KCNIP1: variants seen among roughly 807,000 people sequenced by gnomAD.
KCNIP1 encodes potassium voltage-gated channel interacting protein 1, also known as A-type potassium channel modulatory protein KCNIP1.
In KCNIP1, 18 loss-of-function variants were observed where a neutral mutation model predicts 33.0. That is an observed-to-expected ratio of 0.55 (90% CI 0.38 to 0.81). The LOEUF (loss-of-function observed/expected upper bound fraction) is 0.81. KCNIP1 is among the 30% of genes least tolerant of loss of function. The pLI, the probability that KCNIP1 is intolerant of heterozygous loss-of-function variation, is 0.00. For synonymous variants in KCNIP1, 93 were observed against 98.3 expected (o/e 0.95, Z 0.32); for missense variants, 238 against 271.6 (o/e 0.88, Z 0.87).
chr5:170,548,469 C>T (rs1441183491), intron 1 of KCNIP1, among the ~76,000 whole-genome samples: 1 of 152,166 alleles, frequency 6.6e-6, no homozygotes, highest in African/African-American at 2.4e-5. Flanking sequence ...ACTGTGTTTG[C>T]ACCTTTTAAT....
chr5:170,557,926 C>A (rs988898904), intron 1 of KCNIP1, among the ~76,000 whole-genome samples: 2 of 152,140 alleles, frequency 1.3e-5, no homozygotes, highest in East Asian at 1.9e-4. Flanking sequence ...CAGCATCTGG[C>A]GCATTGCTGG....
rs1007819071 is a variant in KCNIP1, at chr5:170,504,418, C to A, written c.-155C>A. Reference sequence around the variant, plus strand: ...AAGAAGGAAGCCAGAAGCCTCCTAGCCTCGCCTCCACGCTTGCTGAATACC... The same window carrying A: ...AAGAAGGAAGCCAGAAGCCTCCTAGACTCGCCTCCACGCTTGCTGAATACC... On this transcript the variant is annotated 5_prime_UTR_variant, in exon 1 of 8. Transcript: ENST00000328939. This position sits in a 1 kb window ranked among gnomAD's most constrained non-coding sequence, Gnocchi z 6.0. The A allele has an allele frequency of 8.8e-6, 13 of 1,468,950 alleles. No homozygotes were observed. Among genetic ancestry groups the A allele is most frequent in the Non-Finnish European group, 1.2e-5 (13 of 1,117,416 alleles). 91.0% of individuals were successfully genotyped at this position (1,468,950 alleles called of 1,614,324 possible).
At chr5:170,605,254 C>T (rs948062002) in intron 1 of KCNIP1, among the ~76,000 whole-genome samples, 3 of 152,290 alleles carry the variant, frequency 2.0e-5, no homozygotes, top group South Asian at 2.1e-4. Flanking sequence ...CCTCTGTCCT[C>T]ACTATGACGG....
chr5:170,498,383 C>T (rs1581244483), intron 1 of KCNIP1, among the ~76,000 whole-genome samples: 1 of 152,286 alleles, frequency 6.6e-6, no homozygotes, highest in African/African-American at 2.4e-5. Flanking sequence ...GGACTTTAAG[C>T]CTGATCTGCT....
At chr5:170,723,552 C>G (rs1007414780) in intron 5 of KCNIP1, among the ~76,000 whole-genome samples, 2 of 152,194 alleles carry the variant, frequency 1.3e-5, no homozygotes, top group African/African-American at 4.8e-5. Context: ...ATCTTCACCT[C>G]AACCCGGCAA....
chr5:170,454,086 T>C (rs1419488177), intron 1 of KCNIP1, among the ~76,000 whole-genome samples: 1 of 152,234 alleles, frequency 6.6e-6, no homozygotes, highest in Non-Finnish European at 1.5e-5. Flanking sequence ...CTATTACAGC[T>C]GCTCAAGAAG....
At chr5:170,408,437 A>G (rs903978928) in intron 1 of KCNIP1, among the ~76,000 whole-genome samples, 1 of 152,166 alleles carries the variant, frequency 6.6e-6, no homozygotes, top group Admixed American at 6.5e-5. Flanking sequence ...GCTCATTGTC[A>G]TGTAATTTAA....
intron 1 of KCNIP1, among the ~76,000 whole-genome samples, chr5:170,600,674 G>C (rs1758655692): frequency 6.6e-6 from 1 of 152,194 alleles, no homozygotes; most frequent in Non-Finnish European, 1.5e-5. Flanking sequence ...TAAGGGCCTA[G>C]CTTGGTCCCT....
intron 1 of KCNIP1, among the ~76,000 whole-genome samples, chr5:170,693,385 C>T (rs1347610730): frequency 2.6e-5 from 4 of 152,240 alleles, no homozygotes; most frequent in Non-Finnish European, 5.9e-5. Flanking sequence ...ATGAAATAAG[C>T]TGCCATCTGC....
chr5:170,653,679 CCTT>C (rs1301403309), intron 1 of KCNIP1, among the ~76,000 whole-genome samples: 4 of 151,854 alleles, frequency 2.6e-5, no homozygotes, highest in African/African-American at 4.8e-5. Context: ...AGCTCAGTCT[CCTT>C]CTCTCTCTCT....
At position 170,661,900 on chromosome 5, in the gene KCNIP1, C is replaced by T. The variant is rs6894766; in HGVS notation, c.62-56858C>T. 8.2e-3 allele frequency among the ~76,000 whole-genome samples: 1,245 copies of T among 152,306 alleles called. 24 individuals carry two copies. The highest frequency in any genetic ancestry group is 0.029 in the African/African-American group (1,208 of 41,572). On this transcript the variant is annotated intron_variant, in intron 1 of 7. Coordinates refer to ENST00000328939, the MANE Select transcript of KCNIP1 (RefSeq NM_014592.4). Reference sequence around the variant, plus strand: ...CAAAACCAATTTCTACTTCTTGGGTCCCCTCTCAATGTGTACAACATAGAG... The same window carrying T: ...CAAAACCAATTTCTACTTCTTGGGTTCCCTCTCAATGTGTACAACATAGAG...
chr5:170,571,004 A>G (rs1209673829), intron 1 of KCNIP1, among the ~76,000 whole-genome samples: 1 of 152,208 alleles, frequency 6.6e-6, no homozygotes, highest in African/African-American at 2.4e-5. Flanking sequence ...GCCAATCAAA[A>G]AGTAGCTCAA....
intron 1 of KCNIP1, among the ~76,000 whole-genome samples, chr5:170,547,034 C>T (rs1232875111): frequency 6.6e-6 from 1 of 152,184 alleles, no homozygotes; most frequent in Non-Finnish European, 1.5e-5. Context: ...TATTCATTTA[C>T]AGTTGGTCAA....
At chr5:170,603,808 G>C (rs977247732) in intron 1 of KCNIP1, among the ~76,000 whole-genome samples, 1 of 152,198 alleles carries the variant, frequency 6.6e-6, no homozygotes, top group Non-Finnish European at 1.5e-5. Context: ...GCAGGGCCTT[G>C]AATGCCAAGT....
intron 1 of KCNIP1, among the ~76,000 whole-genome samples, chr5:170,359,477 C>T (rs1322583077): frequency 2.0e-5 from 3 of 152,048 alleles, no homozygotes; most frequent in Non-Finnish European, 4.4e-5. Flanking sequence ...AAAGAGAGTC[C>T]CCACCATCCG....
chr5:170,553,609 G>T (rs926451064), intron 1 of KCNIP1, among the ~76,000 whole-genome samples: 1 of 152,214 alleles, frequency 6.6e-6, no homozygotes, highest in African/African-American at 2.4e-5. Flanking sequence ...AGGTGTGGGT[G>T]AGCTGTTCTG....
At chr5:170,484,822 G>A (rs868436533) in intron 1 of KCNIP1, among the ~76,000 whole-genome samples, 8 of 151,102 alleles carry the variant, frequency 5.3e-5, no homozygotes, top group Non-Finnish European at 8.8e-5. Flanking sequence ...TCTTCCTTCC[G>A]TGTCTCTGGC....
At chr5:170,398,386 C>G (rs1009934520) in intron 1 of KCNIP1, among the ~76,000 whole-genome samples, 1 of 152,164 alleles carries the variant, frequency 6.6e-6, no homozygotes, top group South Asian at 2.1e-4. Context: ...TATTTCACAC[C>G]TTTTACCAGA....
intron 5 of KCNIP1, among the ~76,000 whole-genome samples, chr5:170,723,708 T>C (rs557523083): frequency 6.6e-6 from 1 of 152,208 alleles, no homozygotes; most frequent in African/African-American, 2.4e-5. Context: ...GGCCCCACAC[T>C]GGAGCAGCAT....
Sources: allele counts gnomAD v4.1 joint callset (sites outside exome capture counted in the v4.1 genomes callset), GRCh38; gene constraint gnomAD v4.1.1; non-coding constraint Gnocchi (gnomAD v3.1); transcripts MANE v1.5; gene names NCBI Gene and HGNC (gene_info 2026-07-23, HGNC 2026-07-21).